Variants in WDR20 observed in about 807,000 individuals in gnomAD.
WDR20 encodes the protein WD repeat domain 20.
WDR20 carries 3 observed loss-of-function variants against 38.7 expected under a neutral mutation model. That is an observed-to-expected ratio of 0.08 (90% confidence interval 0.04 to 0.20). The LOEUF is 0.20. Ranked by LOEUF, WDR20 falls within the 10% of genes least tolerant of loss-of-function variation. The pLI is 1.00. For synonymous variants in WDR20, 298 were observed against 285.6 expected (o/e 1.04, Z -0.44); for missense variants, 559 against 727.7 (o/e 0.77, Z 2.67).
intron 1 of WDR20, among the ~76,000 whole-genome samples, chr14:102,176,620 T>G (rs966704616): frequency 1.3e-5 from 2 of 152,174 alleles, no homozygotes; most frequent in Non-Finnish European, 2.9e-5. Flanking sequence ...TTCCCTTTTT[T>G]TTTTTGGTTA....
chr14:102,146,459 G>A (rs537653163), intron 1 of WDR20, among the ~76,000 whole-genome samples: 5 of 152,098 alleles, frequency 3.3e-5, no homozygotes, highest in Admixed American at 6.6e-5. Flanking sequence ...CACCATGCCC[G>A]GCTAGAAGAG....
intron 1 of WDR20, chr14:102,167,730 A>G (rs1402151355): frequency 1.3e-5 from 2 of 152,238 alleles, no homozygotes; most frequent in Non-Finnish European, 2.9e-5. Flanking sequence ...TAGTAATTAA[A>G]TAAGAAATTG....
In WDR20 at chr14:102,222,527, G is replaced by T. The variant is rs922036567; in HGVS notation, c.1693-303G>T. 2.0e-5 allele frequency among the ~76,000 whole-genome samples: 3 copies of T among 152,198 alleles called. No homozygotes were observed. Among genetic ancestry groups the T allele is most frequent in the Non-Finnish European group, 2.9e-5 (2 of 68,032 alleles). On this transcript the variant is annotated intron_variant, in intron 3 of 3. Transcript: ENST00000335263. The surrounding 1 kb of genome is among the most constrained non-coding windows in gnomAD (Gnocchi z 4.4). ...ACCTTTGGGTCAGCAAAGCTCCAAA[G>T]AACCTGTTCTCAGGTGCTGAGAAAC...
At chr14:102,224,037 A>ATTTTTTTTT (rs533802492), downstream of WDR20, among the ~76,000 whole-genome samples, 1 of 123,124 alleles carries the variant, frequency 8.1e-6, no homozygotes, top group Non-Finnish European at 1.7e-5. Context: ...TTTACCTGAG[A>ATTTTTTTTT]TTTTTTTTTT....
chr14:102,168,139 C>G lies in WDR20; in HGVS notation c.250-26799C>G, dbSNP rs953939429. Among the ~76,000 whole-genome samples the G allele has an allele frequency of 2.0e-5, 3 of 152,152 alleles. No homozygotes were observed. In the East Asian group the frequency reaches 5.8e-4, roughly 29 times the overall value. On this transcript the variant is annotated intron_variant, in intron 1 of 2. Coordinates refer to ENST00000342702, the MANE Select transcript of WDR20 (RefSeq NM_144574.4). ...CTTCCCATACATCTCCCATATCTTA[C>G]CATAGCACTGGTAACAAACAGGTAC...
In WDR20 at chr14:102,209,168, A is replaced by G. The variant is rs1348937653; in HGVS notation, c.998A>G (p.Asp333Gly). The change falls in exon 3 of 3, where the codon GAC becomes GGC. Residue 333 changes from aspartate to glycine, a missense_variant. By Grantham distance (94) the Asp-to-Gly change is moderately conservative (BLOSUM62 -1). Transcript: ENST00000342702. The surrounding 1 kb of genome is among the most constrained non-coding windows in gnomAD (Gnocchi z 6.0). ...ATGGAGTTTAGTGGCAGCGATGAGG[A>G]CTTCCAAGACCTTCTTCATTTTGGC... ...DPMEFSGSDE[D>G]FQDLLHFGRD... 6.2e-7 allele frequency: 1 copy of G among 1,614,114 alleles called. No individual in the cohort carries two copies. The highest frequency in any genetic ancestry group is 1.7e-5 in the Admixed American group (1 of 60,020).
downstream of WDR20, among the ~76,000 whole-genome samples, chr14:102,212,095 G>T (rs970298587): frequency 6.6e-6 from 1 of 152,150 alleles, no homozygotes; most frequent in Non-Finnish European, 1.5e-5. Context: ...AGGAACCAGG[G>T]GTGGGAGAGG....
chr14:102,187,413 G>C (rs770103302), intron 1 of WDR20, among the ~76,000 whole-genome samples: 13 of 152,098 alleles, frequency 8.5e-5, no homozygotes, highest in Admixed American at 7.2e-4. Context: ...ATAGGCTGGG[G>C]GGGGGCTCAG....
chr14:102,156,030 G>A (rs1395068392), intron 1 of WDR20, among the ~76,000 whole-genome samples: 12 of 150,362 alleles, frequency 8.0e-5, no homozygotes, highest in African/African-American at 2.7e-4. Context: ...CTCCCACCTC[G>A]GCCTCCCAAA....
intron 2 of WDR20, among the ~76,000 whole-genome samples, chr14:102,195,638 G>A (rs2059286446): frequency 6.6e-6 from 1 of 152,184 alleles, no homozygotes; most frequent in Non-Finnish European, 1.5e-5. Flanking sequence ...CTTAAAGTTT[G>A]GTCACATGAC....
chr14:102,209,857 A>G lies in WDR20; in HGVS notation c.1687A>G (p.Lys563Glu). The change falls in exon 3 of 3, where the codon AAA becomes GAA. Residue 563 changes from lysine (K) to glutamate (E), a missense_variant. Transcript: ENST00000342702. This position sits in a 1 kb window ranked among gnomAD's most constrained non-coding sequence, Gnocchi z 6.0. The part of the protein sequence containing the change: ...GFICTWGRPG[K>E]VVSFNP ...TATTTGCACATGGGGAAGGCCTGGT[A>G]AAGTGGTAAGTTTTAATCCTTAATG... 1 of 1,611,966 alleles carries G rather than the reference A, an allele frequency of 6.2e-7. No homozygotes were observed. The highest frequency in any genetic ancestry group is 8.5e-7 in the Non-Finnish European group (1 of 1,178,754).
chr14:102,191,911 T>C (rs1274625190), intron 1 of WDR20, among the ~76,000 whole-genome samples: 1 of 152,086 alleles, frequency 6.6e-6, no homozygotes, highest in Non-Finnish European at 1.5e-5. Context: ...TTTTGTAAAA[T>C]AAAAAGAATT....
In WDR20 at chr14:102,209,961, A is replaced by G. The variant is rs1241618547; in HGVS notation, c.*81A>G. 6.7e-7 allele frequency: 1 copy of G among 1,500,180 alleles called. No individual in the cohort carries two copies. The highest frequency in any genetic ancestry group is 2.3e-5 in the Admixed American group (1 of 43,676). 92.9% of individuals were successfully genotyped at this position (1,500,180 alleles called of 1,614,324 possible). On this transcript the variant is annotated 3_prime_UTR_variant, in exon 3 of 3. Coordinates refer to ENST00000342702, the MANE Select transcript of WDR20 (RefSeq NM_144574.4). The surrounding 1 kb of genome is among the most constrained non-coding windows in gnomAD (Gnocchi z 6.0). Reference sequence around the variant, plus strand: ...GGGGTGGGGTGTACAATGAATGTGAATGACACTTCTTATTCTTAATGTAAA... The same window carrying G: ...GGGGTGGGGTGTACAATGAATGTGAGTGACACTTCTTATTCTTAATGTAAA...
Position 102,220,758 on chromosome 14 carries a change from C to A in WDR20, c.1693-2072C>A, listed in dbSNP as rs1330088861. Among the ~76,000 whole-genome samples the A allele has an allele frequency of 6.6e-6, 1 of 151,466 alleles. No individual in the cohort carries two copies. Among genetic ancestry groups the A allele is most frequent in the African/African-American group, 2.4e-5 (1 of 41,248 alleles). On this transcript the variant is annotated intron_variant, in intron 3 of 3. Coordinates refer to the WDR20 transcript ENST00000335263. This position sits in a 1 kb window ranked among gnomAD's most constrained non-coding sequence, Gnocchi z 4.2. The stretch of plus-strand genomic sequence containing the variant: ...AAAAAGAAAATATTAAAATTAATGT[C>A]ACTTGTTTTTATTATCTATCTTTTC...
chr14:102,214,070 G>A (rs1567090584), downstream of WDR20: 8 of 985,556 alleles, frequency 8.1e-6, no homozygotes, highest in Non-Finnish European at 9.6e-6. Context: ...CTCTGACTGC[G>A]GGGTTGCACC....
intron 1 of WDR20, among the ~76,000 whole-genome samples, chr14:102,183,097 CA>C: frequency 6.6e-6 from 1 of 152,048 alleles, no homozygotes; most frequent in Non-Finnish European, 1.5e-5. Context: ...GTGCCATGAA[CA>C]TTTTTTTTAG....
intron 1 of WDR20, among the ~76,000 whole-genome samples, chr14:102,148,635 G>A (rs1031248331): frequency 1.3e-5 from 2 of 151,520 alleles, no homozygotes; most frequent in Non-Finnish European, 2.9e-5. Context: ...GATGTGAAGT[G>A]TATTTAACAC....
intron 1 of WDR20, among the ~76,000 whole-genome samples, chr14:102,179,452 A>G (rs1447457164): frequency 2.7e-5 from 4 of 147,342 alleles, no homozygotes. Flanking sequence ...AAAAAAAAAA[A>G]AAAGAAAGAA....
chr14:102,224,673 A>G (rs1433100295), downstream of WDR20: 2 of 455,930 alleles, frequency 4.4e-6, no homozygotes, highest in African/African-American at 4.0e-5. Flanking sequence ...ACATCAGCTC[A>G]GCCCTCGGTT....
Sources: gnomAD v4.1 joint callset for allele counts (sites outside exome capture counted in the v4.1 genomes callset) on GRCh38, gnomAD v4.1.1 for gene constraint, Gnocchi (gnomAD v3.1) non-coding constraint, MANE v1.5 for transcripts, NCBI Gene and HGNC (gene_info 2026-07-23, HGNC 2026-07-21) for gene names.